FGD1: variants seen among roughly 807,000 people sequenced by gnomAD.
FGD1 encodes the protein FYVE, RhoGEF and PH domain-containing protein 1.
Under a neutral mutation model 65.0 loss-of-function variants are expected in FGD1, and 12 were observed. That is an observed-to-expected ratio of 0.18 (90% CI 0.12 to 0.30). The LOEUF (loss-of-function observed/expected upper bound fraction) is 0.30, where lower values mean the gene tolerates loss of function less well. FGD1 is among the 10% of genes least tolerant of loss of function. The pLI, the probability that FGD1 is intolerant of heterozygous loss-of-function variation, is 1.00. For missense variants in FGD1, 542 were observed against 837.6 expected (o/e 0.65, Z 4.36); for synonymous variants, 333 against 343.9 (o/e 0.97, Z 0.35).
At position 54,470,704 on chromosome X, in the gene FGD1, T is replaced by TG; in HGVS notation, c.537dup (p.Ile180HisfsTer37). 2 of 208,514 alleles carry TG rather than the reference T, an allele frequency of 9.6e-6. No individual in the cohort carries two copies. The highest frequency in any genetic ancestry group is 1.1e-4 in the Admixed American group (1 of 9,050). The allele number at this position is 208,514 out of a possible 1,213,427, so 17.2% of individuals were successfully genotyped here. A position where few individuals can be genotyped will look rare whatever the true frequency, so the allele number is the denominator to read the frequency against. ...AGTGGGCGTGATGGTGGAGGGGGGA[T>TG]GGGCTCCAGTGGGGGGGGCATCCGG... On this transcript the variant is annotated frameshift_variant, in exon 3 of 18. Transcript: ENST00000375135. LOFTEE classifies it high-confidence loss of function.
chrX:54,461,555 C>G (rs916511231), intron 8 of FGD1, among the ~76,000 whole-genome samples: 42 of 92,818 alleles, frequency 4.5e-4, no homozygotes, highest in African/African-American at 1.6e-3. Context: ...GAGCCGAGAT[C>G]GCGCCACTGC....
chrX:54,451,888 C>T (rs59441769), intron 12 of FGD1, among the ~76,000 whole-genome samples: 9,456 of 107,647 alleles, frequency 0.088, 592 homozygotes, highest in East Asian at 0.47. Context: ...AGAGAAACTG[C>T]GACTCAAAAA....
At chrX:54,471,088 C>T (rs1168692577) in intron 2 of FGD1, among the ~76,000 whole-genome samples, 1 of 109,683 alleles carries the variant, frequency 9.1e-6, no homozygotes, top group African/African-American at 3.3e-5. Flanking sequence ...AAACACCAAT[C>T]TGCACCTTTG....
chrX:54,448,518 C>T (rs947186822), intron 16 of FGD1, among the ~76,000 whole-genome samples: 4 of 112,340 alleles, frequency 3.6e-5, no homozygotes, highest in African/African-American at 1.3e-4. Flanking sequence ...CCAGTGCTGC[C>T]ACTCATTTGC....
In FGD1 at chrX:54,470,714, T is replaced by TGGGGGGGGGGGGGTGGGGCCCCGGG; in HGVS notation, c.527_528insCCCGGGGCCCCACCCCCCCCCCCCC (p.Leu177ProfsTer48). On this transcript the variant is annotated frameshift_variant, in exon 3 of 18. Transcript: ENST00000375135. LOFTEE classifies it high-confidence loss of function. ...ATGGTGGAGGGGGGATGGGCTCCAG[T>TGGGGGGGGGGGGGTGGGGCCCCGGG]GGGGGGGGCATCCGGGGCATCTGCA... The TGGGGGGGGGGGGGTGGGGCCCCGGG allele has an allele frequency of 5.3e-6, 1 of 187,782 alleles. No individual in the cohort carries two copies. Among genetic ancestry groups the TGGGGGGGGGGGGGTGGGGCCCCGGG allele is most frequent in the Non-Finnish European group, 8.1e-6 (1 of 123,081 alleles). The allele number at this position is 187,782 out of a possible 1,213,427, so 15.5% of individuals were successfully genotyped here.
chrX:54,485,190 C>T (rs1356286507), intron 1 of FGD1, among the ~76,000 whole-genome samples: 1 of 111,240 alleles, frequency 9.0e-6, no homozygotes, highest in Non-Finnish European at 1.9e-5. Flanking sequence ...TGGTTCTTTC[C>T]CCAGACTCTC....
rs1371719873 is a variant in FGD1, at chrX:54,495,456, C to G, written c.-24G>C. On this transcript the variant is annotated 5_prime_UTR_variant, in exon 1 of 18. Transcript: ENST00000375135. ...ATGGTCCGGGCCTGGGCGCGGGGCC[C>G]GAGCTCCCCGCTTGGCTCCAGCTCC... The G allele has an allele frequency of 3.7e-5, 35 of 947,911 alleles. No homozygotes were observed. Among genetic ancestry groups the G allele is most frequent in the Non-Finnish European group, 4.6e-5 (35 of 761,955 alleles). 78.1% of individuals were successfully genotyped at this position (947,911 alleles called of 1,213,427 possible). A position where few individuals can be genotyped will look rare whatever the true frequency, so the allele number is the denominator to read the frequency against.
At chrX:54,450,099 C>T (rs145931636) in intron 13 of FGD1, among the ~76,000 whole-genome samples, 172 bp downstream of exon 13, 69 of 111,799 alleles carry the variant, frequency 6.2e-4, no homozygotes, top group African/African-American at 2.0e-3. Flanking sequence ...AGTTTCTGCT[C>T]AACCTCTGCA....
At chrX:54,489,841 CAAA>C (rs1360979057) in intron 1 of FGD1, among the ~76,000 whole-genome samples, 1 of 111,827 alleles carries the variant, frequency 8.9e-6, no homozygotes, top group African/African-American at 3.3e-5. Context: ...GGTATACACT[CAAA>C]GAAGTATAAA....
At chrX:54,467,362 T>C (rs1922787501) in intron 6 of FGD1, among the ~76,000 whole-genome samples, 1 of 108,271 alleles carries the variant, frequency 9.2e-6, no homozygotes, top group Non-Finnish European at 1.9e-5. Context: ...CTTTTTCTTT[T>C]TTTTTTTTTT....
chrX:54,471,508 G>T (rs1387688485), intron 1 of FGD1, 21 bp from the exon 2 acceptor site: 1 of 1,202,854 alleles, frequency 8.3e-7, no homozygotes, highest in Admixed American at 2.2e-5. Flanking sequence ...GGAGAAAATG[G>T]GTGTGAAGTA....
Position 54,470,361 on chromosome X carries a change from T to A in FGD1, c.756A>T (p.Pro252=). 1 of 1,209,843 alleles carries A rather than the reference T, an allele frequency of 8.3e-7. No individual in the cohort carries two copies. The highest frequency in any genetic ancestry group is 1.1e-6 in the Non-Finnish European group (1 of 894,666). The stretch of plus-strand genomic sequence containing the variant: ...CCTCACCCTCGGGGAGCTGGGGCAC[T>A]GGTGGCTGCGAGGTTGGCTGTGGCA... ...VMLPQPTSQP[P]VPQLPEGEAS... is the part of the protein sequence containing the mutation. Residue 252 remains proline, a synonymous_variant, in exon 4 of 18, where the codon CCA becomes CCT. Transcript: ENST00000375135.
rs766131204 is a variant in FGD1, at chrX:54,467,956, C to T, written c.1192-24G>A. 6.0e-6 allele frequency: 7 copies of T among 1,169,449 alleles called. No individual in the cohort carries two copies. In the East Asian group the frequency reaches 2.2e-4, roughly 37 times the overall value. On this transcript the variant is annotated intron_variant, in intron 5 of 17. Coordinates refer to ENST00000375135, the MANE Select transcript of FGD1 (RefSeq NM_004463.3). Reference sequence around the variant, plus strand: ...ACCTGTGGGGCAGGGCAGAAGCACTCAGCCCAGCTGGGCCTGGGGCTTGGC... The same window carrying T: ...ACCTGTGGGGCAGGGCAGAAGCACTTAGCCCAGCTGGGCCTGGGGCTTGGC...
chrX:54,490,336 A>G (rs1923386501), intron 1 of FGD1, among the ~76,000 whole-genome samples: 1 of 111,698 alleles, frequency 9.0e-6, no homozygotes, highest in African/African-American at 3.3e-5. Flanking sequence ...AACCTAAAAT[A>G]AAAGTTTAAA....
In FGD1 at chrX:54,494,402, CTTT is replaced by C. The variant is rs56235590; in HGVS notation, c.307+721_307+723del. Among the ~76,000 whole-genome samples the C allele has an allele frequency of 7.2e-3, 440 of 60,720 alleles. 6 individuals are homozygous for C. Among genetic ancestry groups the C allele is most frequent in the African/African-American group, 0.03 (412 of 13,942 alleles). The allele number at this position is 60,720 out of a possible 115,157, so 52.7% of individuals were successfully genotyped here. On this transcript the variant is annotated intron_variant, in intron 1 of 17. Coordinates refer to ENST00000375135, the MANE Select transcript of FGD1 (RefSeq NM_004463.3). Reference sequence around the variant, plus strand: ...AACCTTGGATCAATCCACCGTCTTTCTTTTTTTTTTTTTTTTTTTTTTTTTCCG... The same window carrying C: ...AACCTTGGATCAATCCACCGTCTTTCTTTTTTTTTTTTTTTTTTTTTTCCG...
chrX:54,450,567 TAGAC>T (rs757232845), intron 12 of FGD1, among the ~76,000 whole-genome samples: 3 of 111,287 alleles, frequency 2.7e-5, no homozygotes, highest in Non-Finnish European at 5.7e-5. Flanking sequence ...GTAGAGGAAA[TAGAC>T]AGGGACAATA....
chrX:54,470,797 C>A, intron 2 of FGD1, 37 bp from the exon 3 acceptor site: 1 of 750,118 alleles, frequency 1.3e-6, no homozygotes. Context: ...AGGGAGACAT[C>A]AGTGAGCTGG....
Position 54,456,533 on chromosome X carries a change from G to A in FGD1, c.1671C>T (p.His557=), listed in dbSNP as rs1922507325. 1 of 1,211,276 alleles carries A rather than the reference G, an allele frequency of 8.3e-7. No homozygotes were observed. Among genetic ancestry groups the A allele is most frequent in the African/African-American group, 1.7e-5 (1 of 57,826 alleles). ...SLELIATAAE[H]SNAAIRKMER... ...CCATTTTGCGGATGGCAGCATTCGA[G>A]TGCTCTGCTGCTGTGGCGATCAGCT... is the stretch of plus-strand genomic sequence containing the variant. Residue 557 remains histidine, a synonymous_variant, in exon 9 of 18, where the codon CAC becomes CAT. Transcript: ENST00000375135.
At chrX:54,469,198 C>T (rs1922826839) in intron 4 of FGD1, among the ~76,000 whole-genome samples, 1 of 112,028 alleles carries the variant, frequency 8.9e-6, no homozygotes, top group Admixed American at 9.5e-5. Flanking sequence ...AAATCCTAAG[C>T]TCTGCCATTC....
Sources: gnomAD v4.1 joint callset for allele counts (sites outside exome capture counted in the v4.1 genomes callset) on GRCh38, gnomAD v4.1.1 for gene constraint, MANE v1.5 for transcripts, NCBI Gene and HGNC (gene_info 2026-07-23, HGNC 2026-07-21) for gene names.